Variants in TBCK observed in about 807,000 individuals in gnomAD.
TBCK encodes TBC domain-containing protein kinase-like protein.
In TBCK, 99 loss-of-function variants were observed where a neutral mutation model predicts 113.4. The observed-to-expected ratio is 0.87, with a 90% CI of 0.74 to 1.03. TBCK has a LOEUF of 1.03. Among genes scored for constraint, TBCK ranks in the 50% least tolerant of loss-of-function variants. The pLI is 0.00. For synonymous variants in TBCK, 369 were observed against 370.8 expected, an observed-to-expected ratio of 1.00 and a Z score of 0.05; for missense variants, 1,045 against 1,061.3, an observed-to-expected ratio of 0.98 and a Z score of 0.21.
chr4:106,197,964 C>G (rs1036518425), intron 20 of TBCK, among the ~76,000 whole-genome samples: 2 of 152,112 alleles, frequency 1.3e-5, no homozygotes, highest in Non-Finnish European at 2.9e-5. Context: ...CAGGTTCTAC[C>G]TGGTCCAATA....
chr4:106,063,576 A>G lies in TBCK; in HGVS notation c.2572-16896T>C, dbSNP rs1578784766. Among the ~76,000 whole-genome samples the G allele has an allele frequency of 4.6e-5, 7 of 152,044 alleles. No homozygotes were observed. The East Asian group carries it at 1.4e-3, about 30-fold the overall frequency. ...GTGCCTGAGACCAAAGGCTAGAGGA[A>G]GAGCTTGAGCAAAGGGGGGAAGGTG... On this transcript the variant is annotated intron_variant, in intron 25 of 25. Transcript: ENST00000394708.
intron 24 of TBCK, among the ~76,000 whole-genome samples, chr4:106,112,671 T>C (rs1298909558): frequency 6.6e-6 from 1 of 152,198 alleles, no homozygotes; most frequent in Non-Finnish European, 1.5e-5. Context: ...ATGCACTTTT[T>C]CTCCGACTTC....
intron 19 of TBCK, among the ~76,000 whole-genome samples, chr4:106,225,272 A>C (rs1040304919): frequency 6.6e-6 from 1 of 152,206 alleles, no homozygotes; most frequent in Non-Finnish European, 1.5e-5. Flanking sequence ...GTGGCTTTAA[A>C]GAAGTTCAAA....
At position 106,308,998 on chromosome 4, in the gene TBCK, G is replaced by C; in HGVS notation, c.-29-9C>G. On this transcript the variant is annotated splice_polypyrimidine_tract_variant and intron_variant, in intron 1 of 25. Coordinates refer to ENST00000394708, the MANE Select transcript of TBCK (RefSeq NM_001163435.3). Reference sequence around the variant, plus strand: ...AGGTCTTCTAAGATAATCTGGAAAAGGAGAGAATTTTAGGACAGACCAAAC... The same window carrying C: ...AGGTCTTCTAAGATAATCTGGAAAACGAGAGAATTTTAGGACAGACCAAAC... 1 of 1,567,280 alleles carries C rather than the reference G, an allele frequency of 6.4e-7. No homozygotes were observed. Among genetic ancestry groups the C allele is most frequent in the Non-Finnish European group, 8.7e-7 (1 of 1,153,468 alleles).
intron 23 of TBCK, among the ~76,000 whole-genome samples, chr4:106,122,585 T>G (rs1311058463): frequency 6.6e-6 from 1 of 152,196 alleles, no homozygotes; most frequent in Admixed American, 6.5e-5. Flanking sequence ...AAGCGAATTT[T>G]AGACCAACAT....
chr4:106,073,271 A>G (rs1737715615), intron 25 of TBCK, among the ~76,000 whole-genome samples: 2 of 152,334 alleles, frequency 1.3e-5, no homozygotes, highest in Non-Finnish European at 2.9e-5. Flanking sequence ...GGTGACCTAC[A>G]GATGGGGTTT....
intron 5 of TBCK, among the ~76,000 whole-genome samples, chr4:106,256,985 A>G (rs919085064): frequency 2.4e-4 from 37 of 152,104 alleles, no homozygotes; most frequent in African/African-American, 8.0e-4. Context: ...CTTTTTATAA[A>G]CCCTCTACAA....
rs1280686404 is a variant in TBCK at position 106,049,664 on chromosome 4, TG to T, written c.2572-2985del. 5.9e-5 allele frequency among the ~76,000 whole-genome samples: 9 copies of T among 152,102 alleles called. No individual in the cohort carries two copies. The East Asian group carries it at 9.7e-4, about 16-fold the overall frequency. The stretch of plus-strand genomic sequence containing the variant: ...TTCATTTTTCATCTGGCAGGGCTTT[TG>T]ACTGTATACTCCACAGAGTGCAGAC... On this transcript the variant is annotated intron_variant, in intron 25 of 25. Coordinates refer to ENST00000394708, the MANE Select transcript of TBCK (RefSeq NM_001163435.3).
intron 22 of TBCK, among the ~76,000 whole-genome samples, chr4:106,186,578 T>G (rs1272198217): frequency 2.0e-5 from 3 of 152,086 alleles, no homozygotes; most frequent in Non-Finnish European, 4.4e-5. Context: ...TTTAAAGGGG[T>G]CATTTGTGTT....
At chr4:106,049,453 C>A in intron 25 of TBCK, among the ~76,000 whole-genome samples, 1 of 152,012 alleles carries the variant, frequency 6.6e-6, no homozygotes, top group East Asian at 1.9e-4. Context: ...GAGATGGCCA[C>A]AGTTGCTATA....
chr4:106,150,200 A>C (rs1043084834), intron 23 of TBCK, among the ~76,000 whole-genome samples: 14 of 152,308 alleles, frequency 9.2e-5, no homozygotes, highest in Non-Finnish European at 1.5e-4. Flanking sequence ...TCATGAAGAA[A>C]AAGTTAACTT....
chr4:106,149,353 G>A (rs1484858876), intron 23 of TBCK, among the ~76,000 whole-genome samples: 1 of 152,090 alleles, frequency 6.6e-6, no homozygotes, highest in Non-Finnish European at 1.5e-5. Context: ...GGCTATCTTG[G>A]CTTTTGACAT....
chr4:106,115,646 A>G (rs572354915), intron 24 of TBCK, among the ~76,000 whole-genome samples: 10 of 152,332 alleles, frequency 6.6e-5, no homozygotes, highest in African/African-American at 2.2e-4. Flanking sequence ...TAGAAGGAGA[A>G]GAGACTGAAC....
In TBCK at chr4:106,197,411, G is replaced by GTATATATATATATATA. The variant is rs1553957897; in HGVS notation, c.1861-2673_1861-2658dup. On this transcript the variant is annotated intron_variant, in intron 20 of 25. Coordinates refer to ENST00000394708, the MANE Select transcript of TBCK (RefSeq NM_001163435.3). ...AGTGTGTGTGTGTGTGTGTGTGTGT[G>GTATATATATATATATA]TATATATATATATATATATATAATA... Among the ~76,000 whole-genome samples the GTATATATATATATATA allele has an allele frequency of 4.1e-5, 5 of 122,444 alleles. No individual in the cohort carries two copies. The South Asian group carries it at 8.8e-4, about 21-fold the overall frequency. 80.3% of individuals were successfully genotyped at this position (122,444 alleles called of 152,430 possible).
chr4:106,220,240 C>T (rs1161750245), intron 19 of TBCK, among the ~76,000 whole-genome samples: 5 of 152,276 alleles, frequency 3.3e-5, no homozygotes, highest in African/African-American at 1.2e-4. Context: ...GTGCTATTCT[C>T]ATAATAGTGA....
Position 106,197,906 on chromosome 4 carries a change from G to T in TBCK, c.1861-3152C>A, listed in dbSNP as rs114561450. 5.7e-3 allele frequency among the ~76,000 whole-genome samples: 866 copies of T among 152,126 alleles called. 10 individuals are homozygous for T. The highest frequency in any genetic ancestry group is 0.02 in the African/African-American group (836 of 41,492). ...ATTCATACTGAACTAATCTTGTTTT[G>T]GTTCTCATTCTTCTTTCATGGACTA... On this transcript the variant is annotated intron_variant, in intron 20 of 25. Transcript: ENST00000394708.
chr4:106,166,813 T>C (rs1353116154), intron 23 of TBCK, among the ~76,000 whole-genome samples: 2 of 151,530 alleles, frequency 1.3e-5, no homozygotes, highest in Admixed American at 6.6e-5. Context: ...CAATAAAAGA[T>C]GAAATAATCC....
chr4:106,215,287 C>T (rs1365139682), intron 19 of TBCK, among the ~76,000 whole-genome samples: 4 of 152,018 alleles, frequency 2.6e-5, no homozygotes, highest in Admixed American at 6.5e-5. Flanking sequence ...ACCATCGAGA[C>T]TACGAAGAAA....
intron 3 of TBCK, among the ~76,000 whole-genome samples, chr4:106,291,093 TG>T (rs1323931617): frequency 6.6e-6 from 1 of 152,208 alleles, no homozygotes; most frequent in Non-Finnish European, 1.5e-5. Flanking sequence ...GGTAGGCTTT[TG>T]AGTGGCAAGT....
Sources: gnomAD v4.1 joint callset for allele counts (sites outside exome capture counted in the v4.1 genomes callset) on GRCh38, gnomAD v4.1.1 for gene constraint, MANE v1.5 for transcripts, NCBI Gene and HGNC (gene_info 2026-07-23, HGNC 2026-07-21) for gene names.